The following ATRNL1 variants were observed in gnomAD, a reference collection of about 807,000 sequenced individuals.
The protein encoded by ATRNL1 is attractin like 1.
In ATRNL1, 95 loss-of-function variants were observed where a neutral mutation model predicts 182.7. The ratio of observed to expected loss-of-function variants is 0.52; its 90% confidence interval spans 0.44 to 0.62. The LOEUF (loss-of-function observed/expected upper bound fraction) is 0.62, where lower values mean the gene tolerates loss of function less well. ATRNL1 is among the 20% of genes least tolerant of loss of function. The pLI is 0.00. For missense variants in ATRNL1, 1,471 were observed against 1,679.5 expected (o/e 0.88, Z 2.17); for synonymous variants, 576 against 568.3 (o/e 1.01, Z -0.19).
At chr10:115,169,803 T>C (rs1265829635) in intron 7 of ATRNL1, among the ~76,000 whole-genome samples, 1 of 152,154 alleles carries the variant, frequency 6.6e-6, no homozygotes, top group Non-Finnish European at 1.5e-5. Context: ...TTATATCTTT[T>C]AAAAATTTAT....
chr10:115,919,502 C>T (rs1307112401), intron 28 of ATRNL1, among the ~76,000 whole-genome samples: 1 of 152,090 alleles, frequency 6.6e-6, no homozygotes, highest in Non-Finnish European at 1.5e-5. Flanking sequence ...TCAAAAACTG[C>T]AAAATTTAAA....
rs558339024 is a variant in ATRNL1, at chr10:115,813,248, A to G, written c.3904-34629A>G. Among the ~76,000 whole-genome samples, 20 of 152,260 alleles carry G rather than the reference A, an allele frequency of 1.3e-4. No individual in the cohort carries two copies. The East Asian group carries it at 3.7e-3, about 28-fold the overall frequency. ...TAAAGTATAATAATAATTAAATTAA[A>G]TTAAATTTTTAAAAAATGAGAGAGG... On this transcript the variant is annotated intron_variant, in intron 27 of 28. Transcript: ENST00000355044.
chr10:115,488,323 A>G (rs191196107), intron 24 of ATRNL1, among the ~76,000 whole-genome samples: 2 of 152,312 alleles, frequency 1.3e-5, no homozygotes, highest in African/African-American at 2.4e-5. Flanking sequence ...TACCTCTGGT[A>G]GAATTCGGCT....
At chr10:115,186,088 A>G (rs1847928239) in intron 8 of ATRNL1, among the ~76,000 whole-genome samples, 1 of 152,074 alleles carries the variant, frequency 6.6e-6, no homozygotes, top group Admixed American at 6.6e-5. Context: ...ATATTCACAA[A>G]TTATACATCT....
intron 21 of ATRNL1, among the ~76,000 whole-genome samples, chr10:115,448,700 G>GCA (rs1157325669): frequency 1.9e-4 from 28 of 150,388 alleles, no homozygotes; most frequent in African/African-American, 6.9e-4. Flanking sequence ...AAATCAAGAC[G>GCA]CACACAAAAA....
chr10:115,267,095 T>C, intron 12 of ATRNL1, 90 bp downstream of exon 12: 2 of 895,476 alleles, frequency 2.2e-6, no homozygotes, highest in Non-Finnish European at 3.5e-6. Flanking sequence ...ATTACTTTAG[T>C]AGCTACAGAA....
In ATRNL1 at chr10:115,208,152, T is replaced by A. The variant is rs1848874413; in HGVS notation, c.1349-7545T>A. ...TTGAGGCATTCATTTATAGGCATTC[T>A]ATTTCATTTATAGGCATTCTATTAG... On this transcript the variant is annotated intron_variant, in intron 8 of 28. Coordinates refer to ENST00000355044, the MANE Select transcript of ATRNL1 (RefSeq NM_207303.4). 6.6e-5 allele frequency among the ~76,000 whole-genome samples: 10 copies of A among 152,202 alleles called. No homozygotes were observed. The South Asian group carries it at 2.1e-3, about 32-fold the overall frequency.
chr10:115,410,403 ACT>A (rs1845076431), intron 20 of ATRNL1, among the ~76,000 whole-genome samples: 1 of 150,928 alleles, frequency 6.6e-6, no homozygotes, highest in Admixed American at 6.6e-5. Flanking sequence ...CTCACTGGAA[ACT>A]CTGCCTCTCG....
At chr10:115,238,811 C>G (rs2133812723) in intron 9 of ATRNL1, among the ~76,000 whole-genome samples, 1 of 152,266 alleles carries the variant, frequency 6.6e-6, no homozygotes, top group Middle Eastern at 3.4e-3. Flanking sequence ...ATGAAACATC[C>G]TTGCCTTATT....
At chr10:115,195,359 AT>A (rs1158192148) in intron 8 of ATRNL1, among the ~76,000 whole-genome samples, 2 of 151,942 alleles carry the variant, frequency 1.3e-5, no homozygotes, top group African/African-American at 4.8e-5. Context: ...TTGAAGGATA[AT>A]TTTGCTGGAT....
At chr10:115,148,633 A>G (rs1364525041) in intron 5 of ATRNL1, among the ~76,000 whole-genome samples, 3 of 152,116 alleles carry the variant, frequency 2.0e-5, no homozygotes, top group Non-Finnish European at 4.4e-5. Flanking sequence ...TGGACACACA[A>G]TGAGTGGGTT....
At chr10:115,574,638 CTA>C (rs1175607456) in intron 26 of ATRNL1, among the ~76,000 whole-genome samples, 2 of 152,034 alleles carry the variant, frequency 1.3e-5, no homozygotes, top group African/African-American at 2.4e-5. Flanking sequence ...CATTTAAATC[CTA>C]TGTTACTTGG....
intron 1 of ATRNL1, among the ~76,000 whole-genome samples, chr10:115,095,826 C>T (rs1023875253): frequency 7.9e-5 from 12 of 152,186 alleles, no homozygotes; most frequent in Non-Finnish European, 1.2e-4. Flanking sequence ...CCATTTTTTA[C>T]ATTTTTTTTA....
intron 5 of ATRNL1, among the ~76,000 whole-genome samples, chr10:115,135,927 G>A (rs1416916756): frequency 2.5e-5 from 2 of 79,792 alleles, no homozygotes; most frequent in African/African-American, 4.2e-5. Context: ...TGGCATGATC[G>A]CAGCTCTTGC....
intron 18 of ATRNL1, among the ~76,000 whole-genome samples, chr10:115,317,828 A>T (rs1327630552): frequency 1.3e-5 from 2 of 152,226 alleles, no homozygotes; most frequent in Non-Finnish European, 2.9e-5. Flanking sequence ...ACTTAAAATC[A>T]TGTCATCTGC....
chr10:115,584,420 T>A (rs868984166), intron 26 of ATRNL1, among the ~76,000 whole-genome samples: 65 of 138,988 alleles, frequency 4.7e-4, no homozygotes, highest in East Asian at 2.3e-3. Context: ...ATTGCCACAA[T>A]TTCAGATGGT....
chr10:115,573,328 CTCT>C (rs569367501), intron 26 of ATRNL1, among the ~76,000 whole-genome samples: 170 of 152,110 alleles, frequency 1.1e-3, no homozygotes, highest in South Asian at 1.9e-3. Flanking sequence ...TCAGATGTCC[CTCT>C]TCTTCTCTCT....
At chr10:115,400,101 A>C (rs1844492701) in intron 20 of ATRNL1, among the ~76,000 whole-genome samples, 1 of 152,008 alleles carries the variant, frequency 6.6e-6, no homozygotes, top group Admixed American at 6.6e-5. Flanking sequence ...CCAACCCCAT[A>C]AAAAGTGGGC....
intron 28 of ATRNL1, among the ~76,000 whole-genome samples, chr10:115,932,105 G>A (rs1303953463): frequency 1.3e-5 from 2 of 152,120 alleles, no homozygotes; most frequent in Non-Finnish European, 2.9e-5. Flanking sequence ...GCTCCCAAAG[G>A]CAAAATGGGG....
Sources: gnomAD v4.1 joint callset for allele counts (sites outside exome capture counted in the v4.1 genomes callset) on GRCh38, gnomAD v4.1.1 for gene constraint, MANE v1.5 for transcripts, NCBI Gene and HGNC (gene_info 2026-07-23, HGNC 2026-07-21) for gene names.